Variants in ASAP1 observed in about 807,000 individuals in gnomAD.
ASAP1 encodes the protein ArfGAP with SH3 domain, ankyrin repeat and PH domain 1, also known as arf-GAP with SH3 domain, ANK repeat and PH domain-containing protein 1.
In ASAP1, 43 loss-of-function variants were observed where a neutral mutation model predicts 145.2. That is an observed-to-expected ratio of 0.30 (90% CI 0.23 to 0.38). The LOEUF (loss-of-function observed/expected upper bound fraction) is 0.38, where lower values mean the gene tolerates loss of function less well. ASAP1 is among the 10% of genes least tolerant of loss of function. The probability of loss-of-function intolerance (pLI) is 1.00; values close to 1 mark genes in which losing one functional copy is unlikely to be tolerated. For missense variants in ASAP1, 1,018 were observed against 1,355.3 expected, an observed-to-expected ratio of 0.75 and a Z score of 3.91; for synonymous variants, 546 against 515.5, an observed-to-expected ratio of 1.06 and a Z score of -0.80.
At chr8:130,288,383 CTG>C (rs993872314) in intron 3 of ASAP1, among the ~76,000 whole-genome samples, 7 of 151,878 alleles carry the variant, frequency 4.6e-5, no homozygotes, top group African/African-American at 1.7e-4. Flanking sequence ...GTTGAAACAA[CTG>C]TTAATAAAGA....
intron 3 of ASAP1, among the ~76,000 whole-genome samples, chr8:130,333,891 C>T (rs1824860945): frequency 6.6e-6 from 1 of 152,240 alleles, no homozygotes; most frequent in Non-Finnish European, 1.5e-5. Flanking sequence ...TCACAGCCAT[C>T]AGGGAACCCC....
At chr8:130,246,185 C>T (rs914349807) in intron 3 of ASAP1, among the ~76,000 whole-genome samples, 16 of 151,976 alleles carry the variant, frequency 1.1e-4, no homozygotes, top group African/African-American at 3.9e-4. Context: ...CCCTTCGCCC[C>T]CCCATGGGAA....
chr8:130,060,540 G>T (rs2097416863), intron 28 of ASAP1, 39 bp downstream of exon 28: 1 of 1,558,476 alleles, frequency 6.4e-7, no homozygotes, highest in Non-Finnish European at 8.7e-7. Flanking sequence ...GCAAAGTGCG[G>T]AATAGGGTTC....
intron 23 of ASAP1, 135 bp from the exon 24 acceptor site, chr8:130,112,457 G>GAACTCCC: frequency 1.4e-5 from 9 of 650,190 alleles, no homozygotes; most frequent in Non-Finnish European, 2.4e-5. Context: ...CAGCCACAAT[G>GAACTCCC]AGCCTCATGA....
intron 3 of ASAP1, among the ~76,000 whole-genome samples, chr8:130,279,876 C>T (rs1821152211): frequency 6.6e-6 from 1 of 152,182 alleles, no homozygotes; most frequent in African/African-American, 2.4e-5. Flanking sequence ...CCTTTTGCCT[C>T]TCTTGAACCA....
intron 2 of ASAP1, among the ~76,000 whole-genome samples, chr8:130,359,647 C>T (rs1190256016): frequency 6.8e-5 from 10 of 146,964 alleles, no homozygotes; most frequent in Admixed American, 5.4e-4. Flanking sequence ...GACGGAGTCT[C>T]GCTCTGTCGC....
chr8:130,211,662 A>T (rs1816590989), intron 5 of ASAP1, among the ~76,000 whole-genome samples: 1 of 152,240 alleles, frequency 6.6e-6, no homozygotes, highest in Non-Finnish European at 1.5e-5. Context: ...CCATAAAAAT[A>T]AGTAATGATT....
At chr8:130,155,204 C>T (rs537856910) in intron 12 of ASAP1, among the ~76,000 whole-genome samples, 9 of 152,256 alleles carry the variant, frequency 5.9e-5, no homozygotes, top group Admixed American at 2.6e-4. Context: ...CACACACACG[C>T]GCGCACACAC....
intron 3 of ASAP1, among the ~76,000 whole-genome samples, chr8:130,314,953 C>T (rs779119018): frequency 6.6e-6 from 1 of 152,204 alleles, no homozygotes; most frequent in African/African-American, 2.4e-5. Context: ...AGGTCTTCCA[C>T]AAGTTAGCTG....
chr8:130,095,577 A>G (rs2097515825), intron 24 of ASAP1, among the ~76,000 whole-genome samples: 1 of 150,442 alleles, frequency 6.6e-6, no homozygotes, highest in Non-Finnish European at 1.5e-5. Context: ...CTTGGATTAC[A>G]GGCGTGAGCC....
chr8:130,234,887 AT>A (rs1280844461), intron 4 of ASAP1, among the ~76,000 whole-genome samples: 1 of 152,178 alleles, frequency 6.6e-6, no homozygotes, highest in African/African-American at 2.4e-5. Flanking sequence ...CAAATGTTGT[AT>A]GTGGAATCAC....
intron 3 of ASAP1, among the ~76,000 whole-genome samples, chr8:130,314,557 T>C (rs187869237): frequency 6.6e-6 from 1 of 152,228 alleles, no homozygotes; most frequent in Admixed American, 6.5e-5. Flanking sequence ...GATAACAGAG[T>C]TAATACCCAC....
intron 10 of ASAP1, 111 bp downstream of exon 10, chr8:130,168,881 C>T (rs2097685580): frequency 1.5e-6 from 1 of 653,316 alleles, no homozygotes; most frequent in Non-Finnish European, 2.7e-6. Context: ...TTTGTACAGA[C>T]ATATCATTTA....
At chr8:130,399,817 T>C (rs1202599575) in intron 2 of ASAP1, among the ~76,000 whole-genome samples, 4 of 145,692 alleles carry the variant, frequency 2.7e-5, no homozygotes, top group African/African-American at 1.0e-4. Context: ...TCAGTGTCTT[T>C]TTTTTTTTTT....
chr8:130,072,479 T>C (rs962054475), intron 27 of ASAP1, among the ~76,000 whole-genome samples: 2 of 152,178 alleles, frequency 1.3e-5, no homozygotes, highest in Middle Eastern at 3.2e-3. Flanking sequence ...TCTGCCATGA[T>C]TGCGAGGCCT....
chr8:130,333,069 C>A (rs72724449), intron 3 of ASAP1, among the ~76,000 whole-genome samples: 1 of 152,130 alleles, frequency 6.6e-6, no homozygotes, highest in East Asian at 1.9e-4. Flanking sequence ...GAGGCGAAAC[C>A]GTGTCATGCT....
At chr8:130,169,578 C>T (rs1055658738) in intron 9 of ASAP1, among the ~76,000 whole-genome samples, 5 of 152,168 alleles carry the variant, frequency 3.3e-5, no homozygotes, top group Non-Finnish European at 7.4e-5. Flanking sequence ...ATTTGAAACA[C>T]AAGAATTCAA....
In ASAP1 at chr8:130,358,227, A is replaced by C; in HGVS notation, c.60-84T>G. 8.8e-7 allele frequency: 1 copy of C among 1,131,014 alleles called. No homozygotes were observed. The highest frequency in any genetic ancestry group is 1.6e-5 in the African/African-American group (1 of 61,446). 70.1% of individuals were successfully genotyped at this position (1,131,014 alleles called of 1,614,324 possible). A position where few individuals can be genotyped will look rare whatever the true frequency, so the allele number is the denominator to read the frequency against. The stretch of plus-strand genomic sequence containing the variant: ...GGGGCCGCGGGCCGCCCGGAGGCTC[A>C]TGAACCCCGGCGCGCAGCCCGCCAC... On this transcript the variant is annotated intron_variant, in intron 2 of 29. Transcript: ENST00000518721. The surrounding 1 kb of genome is among the most constrained non-coding windows in gnomAD (Gnocchi z 4.1).
At chr8:130,434,693 G>A (rs1017646855) in intron 1 of ASAP1, among the ~76,000 whole-genome samples, 3 of 152,124 alleles carry the variant, frequency 2.0e-5, no homozygotes, top group Non-Finnish European at 4.4e-5. Flanking sequence ...GCCAGAGGAG[G>A]AGCCGCAAAG....
Sources: allele counts gnomAD v4.1 joint callset (sites outside exome capture counted in the v4.1 genomes callset), GRCh38; gene constraint gnomAD v4.1.1; non-coding constraint Gnocchi (gnomAD v3.1); transcripts MANE v1.5; gene names NCBI Gene and HGNC (gene_info 2026-07-23, HGNC 2026-07-21).